Variants in DMD observed in about 807,000 individuals in gnomAD.
The protein encoded by DMD is dystrophin.
DMD carries 63 observed loss-of-function variants against 330.1 expected under a neutral mutation model. The observed-to-expected ratio is 0.19, with a 90% CI of 0.16 to 0.24. The LOEUF is 0.24. Ranked by LOEUF, DMD falls within the 10% of genes least tolerant of loss-of-function variation. The pLI is 1.00. For synonymous variants in DMD, 1,223 were observed against 959.8 expected, an observed-to-expected ratio of 1.27 and a Z score of -5.07; for missense variants, 3,344 against 2,684.1, an observed-to-expected ratio of 1.25 and a Z score of -5.43.
chrX:32,714,153 T>C (rs1735738631), intron 7 of DMD, among the ~76,000 whole-genome samples: 1 of 111,651 alleles, frequency 9.0e-6, no homozygotes, highest in African/African-American at 3.3e-5. Flanking sequence ...TCAGGGACCA[T>C]CTAGATCTTG....
intron 24 of DMD, among the ~76,000 whole-genome samples, chrX:32,463,960 T>C (rs2148422408): frequency 8.9e-6 from 1 of 112,056 alleles, no homozygotes; most frequent in South Asian, 3.7e-4. Flanking sequence ...GTTTACAGTG[T>C]AATGGGTGTG....
intron 17 of DMD, among the ~76,000 whole-genome samples, chrX:32,532,462 T>C (rs1356789177): frequency 1.8e-5 from 2 of 112,490 alleles, no homozygotes; most frequent in Non-Finnish European, 3.8e-5. Context: ...TAAGCTAGGC[T>C]GTCTGGGTTC....
chrX:32,796,187 A>G (rs1009435381), intron 7 of DMD, among the ~76,000 whole-genome samples: 1 of 111,557 alleles, frequency 9.0e-6, no homozygotes, highest in African/African-American at 3.3e-5. Flanking sequence ...CTGTACTTGC[A>G]TGCTTATTGA....
At chrX:32,247,790 A>G (rs1004801335) in intron 43 of DMD, among the ~76,000 whole-genome samples, 8 of 111,210 alleles carry the variant, frequency 7.2e-5, no homozygotes, top group African/African-American at 2.3e-4. Flanking sequence ...TCCTTTCTGT[A>G]TATATAAATA....
At chrX:32,938,750 G>A (rs2090189058) in intron 2 of DMD, among the ~76,000 whole-genome samples, 1 of 111,290 alleles carries the variant, frequency 9.0e-6, no homozygotes, top group Non-Finnish European at 1.9e-5. Context: ...CAGAAAACAA[G>A]CCCCTATGTA....
chrX:32,240,586 T>C (rs761267552), intron 43 of DMD, among the ~76,000 whole-genome samples: 1 of 112,023 alleles, frequency 8.9e-6, no homozygotes, highest in Admixed American at 9.5e-5. Flanking sequence ...ATAGTTTTCG[T>C]ATTGCAGGTA....
intron 59 of DMD, among the ~76,000 whole-genome samples, chrX:31,446,650 A>G (rs947892439): frequency 4.5e-5 from 5 of 112,009 alleles, no homozygotes; most frequent in Non-Finnish European, 7.5e-5. Context: ...CCATGGAGAA[A>G]GGTGGTTTAA....
At chrX:32,840,099 T>G (rs1339996918) in intron 4 of DMD, among the ~76,000 whole-genome samples, 2 of 112,154 alleles carry the variant, frequency 1.8e-5, no homozygotes, top group African/African-American at 6.5e-5. Context: ...TGCATGAGAA[T>G]GTCTTGAGGT....
At chrX:33,194,191 G>T (rs1482922081) in intron 1 of DMD, among the ~76,000 whole-genome samples, 1 of 110,221 alleles carries the variant, frequency 9.1e-6, no homozygotes, top group Non-Finnish European at 1.9e-5. Context: ...TAATTTTTCA[G>T]TGGTAGAACT....
At chrX:33,165,794 C>T (rs1046553525) in intron 1 of DMD, among the ~76,000 whole-genome samples, 8 of 111,045 alleles carry the variant, frequency 7.2e-5, no homozygotes, top group Non-Finnish European at 1.5e-4. Context: ...TTGCAATGCT[C>T]ATGCACAGAA....
intron 44 of DMD, among the ~76,000 whole-genome samples, chrX:32,197,000 A>AAAAAAAAAAAAAAC (rs1557206020): frequency 2.1e-5 from 2 of 93,899 alleles, no homozygotes; most frequent in African/African-American, 4.0e-5. Context: ...AAAAAAAAAA[A>AAAAAAAAAAAAAAC]AAAAACAAAA....
At position 32,903,221 on chromosome X, in the gene DMD, G is replaced by A. The variant is rs995492463; in HGVS notation, c.94-53401C>T. 2.8e-4 allele frequency among the ~76,000 whole-genome samples: 28 copies of A among 100,029 alleles called. 2 individuals carry two copies. The highest frequency in any genetic ancestry group is 8.6e-4 in the African/African-American group (23 of 26,889). 86.9% of individuals were successfully genotyped at this position (100,029 alleles called of 115,157 possible). On this transcript the variant is annotated intron_variant, in intron 2 of 78. Coordinates refer to ENST00000357033, the MANE Select transcript of DMD (RefSeq NM_004006.3). The stretch of plus-strand genomic sequence containing the variant: ...AGCAACTAAAAGGATTAAGTACAAA[G>A]ATAATGTAACTAAGCATTTAGAGGG...
At chrX:31,367,130 C>T (rs4829220) in intron 60 of DMD, among the ~76,000 whole-genome samples, 35,289 of 110,138 alleles carry the variant, frequency 0.32, 4,211 homozygotes, top group East Asian at 0.62. Context: ...TGGTGTAGAA[C>T]GGTATTCCAT....
intron 11 of DMD, among the ~76,000 whole-genome samples, chrX:32,617,498 G>A (rs1484889814): frequency 9.0e-6 from 1 of 111,339 alleles, no homozygotes; most frequent in Non-Finnish European, 1.9e-5. Flanking sequence ...ACCAGGAAAA[G>A]TAAGAATCTA....
At chrX:31,169,689 A>C in intron 73 of DMD, 88 bp from the exon 74 acceptor site, 1 of 877,460 alleles carries the variant, frequency 1.1e-6, no homozygotes. Flanking sequence ...TGAAAATAGA[A>C]ACATTTATTT....
intron 9 of DMD, among the ~76,000 whole-genome samples, chrX:32,652,100 A>G (rs187813046): frequency 4.7e-4 from 53 of 111,610 alleles, no homozygotes; most frequent in African/African-American, 1.6e-3. Flanking sequence ...ATCTCATTCT[A>G]TAGCCTATTA....
chrX:31,123,670 T>C (rs12012211), intron 78 of DMD, among the ~76,000 whole-genome samples: 8,730 of 111,789 alleles, frequency 0.078, 706 homozygotes, highest in African/African-American at 0.24. Context: ...TTTTAATTAC[T>C]AGCGATCTTT....
At chrX:32,324,296 A>C (rs2097638850) in intron 41 of DMD, among the ~76,000 whole-genome samples, 1 of 111,591 alleles carries the variant, frequency 9.0e-6, no homozygotes, top group Non-Finnish European at 1.9e-5. Context: ...TAAAAAGACA[A>C]AATTATCTAG....
intron 1 of DMD, among the ~76,000 whole-genome samples, chrX:33,139,475 C>G (rs915943616): frequency 9.0e-6 from 1 of 110,971 alleles, no homozygotes; most frequent in Non-Finnish European, 1.9e-5. Context: ...CCATCACGCC[C>G]GGTTAAGTTA....
Sources: allele counts gnomAD v4.1 joint callset (sites outside exome capture counted in the v4.1 genomes callset), GRCh38; gene constraint gnomAD v4.1.1; transcripts MANE v1.5; gene names NCBI Gene and HGNC (gene_info 2026-07-23, HGNC 2026-07-21).